The following ROBO1 variants were observed in gnomAD, a reference collection of about 807,000 sequenced individuals.
ROBO1 encodes the protein roundabout homolog 1.
Under a neutral mutation model 195.9 loss-of-function variants are expected in ROBO1, and 149 were observed. That is an observed-to-expected ratio of 0.76 (90% CI 0.67 to 0.87). The LOEUF (loss-of-function observed/expected upper bound fraction) is 0.87, where lower values mean the gene tolerates loss of function less well. ROBO1 is among the 40% of genes least tolerant of loss of function. The pLI, the probability that ROBO1 is intolerant of heterozygous loss-of-function variation, is 0.00. For missense variants in ROBO1, 1,933 were observed against 2,068.3 expected (o/e 0.93, Z 1.27); for synonymous variants, 816 against 733.2 (o/e 1.11, Z -1.82).
chr3:78,692,532 A>G lies in ROBO1; in HGVS notation c.1046-3760T>C, dbSNP rs558470382. ...ATTATTCACCCACCTCGGCCTCCCA[A>G]TGTGCTGGGATTACAGGTGTGAGCC... is the stretch of plus-strand genomic sequence containing the variant. On this transcript the variant is annotated intron_variant, in intron 8 of 30. Transcript: ENST00000464233. 1.5e-4 allele frequency among the ~76,000 whole-genome samples: 23 copies of G among 151,328 alleles called. No homozygotes were observed. In the East Asian group the frequency reaches 2.7e-3, roughly 18 times the overall value.
intron 4 of ROBO1, among the ~76,000 whole-genome samples, chr3:78,874,636 A>G (rs1350932253): frequency 6.6e-6 from 1 of 151,886 alleles, no homozygotes. Flanking sequence ...TATACTAATT[A>G]TTAGCTCAAA....
chr3:79,530,053 A>G (rs1300077801), intron 2 of ROBO1, among the ~76,000 whole-genome samples: 1 of 152,194 alleles, frequency 6.6e-6, no homozygotes, highest in Admixed American at 6.5e-5. Flanking sequence ...GATGTCTTTG[A>G]CAATCAAAAG....
intron 1 of ROBO1, among the ~76,000 whole-genome samples, chr3:79,744,916 A>T (rs2107445474): frequency 6.6e-6 from 1 of 152,080 alleles, no homozygotes; most frequent in Non-Finnish European, 1.5e-5. Context: ...AAAATAGAAT[A>T]TATATATAAA....
At chr3:78,701,337 A>G (rs2081416312) in intron 8 of ROBO1, among the ~76,000 whole-genome samples, 1 of 152,186 alleles carries the variant, frequency 6.6e-6, no homozygotes, top group African/African-American at 2.4e-5. Flanking sequence ...CTTGTTCTGC[A>G]TTTTATTTTC....
At chr3:79,522,044 A>G (rs1941230991) in intron 2 of ROBO1, among the ~76,000 whole-genome samples, 1 of 152,232 alleles carries the variant, frequency 6.6e-6, no homozygotes, top group African/African-American at 2.4e-5. Context: ...GGTCAAATAT[A>G]TGAAGTTAAT....
chr3:79,467,871 C>A (rs1046456711), intron 2 of ROBO1, among the ~76,000 whole-genome samples: 2 of 152,204 alleles, frequency 1.3e-5, no homozygotes, highest in Non-Finnish European at 1.5e-5. Flanking sequence ...GCCTGCTCCC[C>A]CTCCTGTAAG....
intron 2 of ROBO1, among the ~76,000 whole-genome samples, chr3:79,425,426 A>G (rs1259888538): frequency 6.6e-6 from 1 of 152,188 alleles, no homozygotes; most frequent in African/African-American, 2.4e-5. Context: ...GATTTTGGAA[A>G]TGCTATGATA....
intron 4 of ROBO1, among the ~76,000 whole-genome samples, chr3:78,785,153 A>C (rs1319366539): frequency 6.6e-6 from 1 of 152,232 alleles, no homozygotes. Flanking sequence ...GCAACGATAT[A>C]AAGTCTAAGA....
chr3:79,623,791 G>A (rs903464255), intron 1 of ROBO1, among the ~76,000 whole-genome samples: 2 of 152,148 alleles, frequency 1.3e-5, no homozygotes, highest in African/African-American at 2.4e-5. Flanking sequence ...TAATCCAGGA[G>A]AACTTTCCCA....
At chr3:78,922,436 C>T (rs942713898) in intron 4 of ROBO1, among the ~76,000 whole-genome samples, 13 of 152,050 alleles carry the variant, frequency 8.5e-5, no homozygotes, top group Non-Finnish European at 1.3e-4. Flanking sequence ...TACAAATTCT[C>T]ATAGAAAAGC....
intron 2 of ROBO1, among the ~76,000 whole-genome samples, chr3:79,577,329 T>C (rs903605774): frequency 3.3e-5 from 5 of 152,054 alleles, no homozygotes; most frequent in Non-Finnish European, 5.9e-5. Flanking sequence ...CTATATTATG[T>C]AAAAAGAGAA....
chr3:79,143,399 A>C (rs1367673043), intron 2 of ROBO1, among the ~76,000 whole-genome samples: 1 of 152,070 alleles, frequency 6.6e-6, no homozygotes, highest in Non-Finnish European at 1.5e-5. Context: ...CATGATAGTG[A>C]ATGAAATAAC....
At chr3:78,715,601 G>A (rs144808467) in intron 7 of ROBO1, among the ~76,000 whole-genome samples, 1 of 152,202 alleles carries the variant, frequency 6.6e-6, no homozygotes, top group African/African-American at 2.4e-5. Flanking sequence ...GCGCAATCTC[G>A]GCTCACTGCA....
At chr3:79,612,989 A>G (rs1944711007) in intron 1 of ROBO1, among the ~76,000 whole-genome samples, 2 of 147,292 alleles carry the variant, frequency 1.4e-5, no homozygotes, top group Admixed American at 1.4e-4. Flanking sequence ...ATTTTTAAGG[A>G]TGGATTTTCA....
intron 4 of ROBO1, among the ~76,000 whole-genome samples, chr3:78,810,320 T>G (rs2084697241): frequency 6.6e-6 from 1 of 152,174 alleles, no homozygotes; most frequent in African/African-American, 2.4e-5. Context: ...TCATTTCTTT[T>G]TTTACACAGG....
intron 2 of ROBO1, among the ~76,000 whole-genome samples, chr3:79,280,862 G>A (rs938264611): frequency 3.3e-5 from 5 of 152,112 alleles, no homozygotes; most frequent in African/African-American, 1.2e-4. Flanking sequence ...TAATGTCTCC[G>A]CAGATCTGAC....
intron 2 of ROBO1, among the ~76,000 whole-genome samples, chr3:79,280,273 T>A (rs549988545): frequency 8.0e-4 from 122 of 152,194 alleles, no homozygotes; most frequent in Non-Finnish European, 1.4e-3. Flanking sequence ...ATATTTGAGA[T>A]GATGGATATG....
intron 26 of ROBO1, among the ~76,000 whole-genome samples, chr3:78,621,960 C>T (rs1419181608): frequency 6.6e-6 from 1 of 152,064 alleles, no homozygotes; most frequent in East Asian, 1.9e-4. Context: ...TAACTATTAC[C>T]TCAACTTATC....
chr3:79,000,625 C>T (rs904198844), intron 3 of ROBO1, among the ~76,000 whole-genome samples: 3 of 152,122 alleles, frequency 2.0e-5, no homozygotes, highest in African/African-American at 7.2e-5. Context: ...CAGGAAAGAA[C>T]AGATGCTGGA....
Sources: gnomAD v4.1 joint callset for allele counts (sites outside exome capture counted in the v4.1 genomes callset) on GRCh38, gnomAD v4.1.1 for gene constraint, MANE v1.5 for transcripts, NCBI Gene and HGNC (gene_info 2026-07-23, HGNC 2026-07-21) for gene names.